Variants in UNC13C observed in about 807,000 individuals in gnomAD.
UNC13C encodes the protein protein unc-13 homolog C.
A neutral mutation model predicts 245.4 loss-of-function variants in UNC13C; 174 were observed. The ratio of observed to expected loss-of-function variants is 0.71; its 90% CI spans 0.63 to 0.80. The LOEUF is 0.80. Among genes scored for constraint, UNC13C ranks in the 30% least tolerant of loss-of-function variants. UNC13C has a pLI of 0.00. For missense variants in UNC13C, 2,829 were observed against 2,602.9 expected (o/e 1.09, Z -1.89); for synonymous variants, 992 against 895.1 (o/e 1.11, Z -1.93).
At chr15:54,561,568 A>G (rs1566910762) in intron 29 of UNC13C, among the ~76,000 whole-genome samples, 1 of 151,992 alleles carries the variant, frequency 6.6e-6, no homozygotes. Context: ...GGCAGTGAGT[A>G]GACTACTCTG....
chr15:54,183,721 G>C (rs1285328763), intron 4 of UNC13C, among the ~76,000 whole-genome samples: 2 of 146,176 alleles, frequency 1.4e-5, no homozygotes, highest in Non-Finnish European at 3.0e-5. Context: ...TGTAATATAT[G>C]TTAGTCTTTG....
the UNC13C span, among the ~76,000 whole-genome samples, chr15:53,952,220 C>T: frequency 5.3e-5 from 8 of 152,208 alleles, no homozygotes; most frequent in African/African-American, 1.9e-4. Context: ...TAAAGGTGTG[C>T]TGATCTGGAG....
the UNC13C span, among the ~76,000 whole-genome samples, chr15:53,839,582 A>G: frequency 6.6e-6 from 1 of 152,064 alleles, no homozygotes; most frequent in Non-Finnish European, 1.5e-5. Flanking sequence ...GTTGACTTCT[A>G]TAAACAGTAT....
At chr15:54,247,792 G>A (rs991967167) in intron 7 of UNC13C, among the ~76,000 whole-genome samples, 6 of 151,008 alleles carry the variant, frequency 4.0e-5, no homozygotes, top group African/African-American at 1.5e-4. Context: ...TTGGAAATTA[G>A]CTTTACTCTC....
At chr15:54,070,006 T>A (rs1302306677) in intron 2 of UNC13C, among the ~76,000 whole-genome samples, 1 of 152,232 alleles carries the variant, frequency 6.6e-6, no homozygotes, top group Non-Finnish European at 1.5e-5. Flanking sequence ...TTTATAATGA[T>A]CCTTAGACAG....
At position 54,186,193 on chromosome 15, in the gene UNC13C, A is replaced by G. The variant is rs1024358782; in HGVS notation, c.3071+42509A>G. ...GGGCTGAGACAATGGGGTTTTCTAG[A>G]TATACAATCATGTCATCTGCAAACA... On this transcript the variant is annotated intron_variant, in intron 4 of 32. Transcript: ENST00000260323. Among the ~76,000 whole-genome samples, 5 of 152,080 alleles carry G rather than the reference A, an allele frequency of 3.3e-5. No individual in the cohort carries two copies. The East Asian group carries it at 5.8e-4, about 18-fold the overall frequency.
chr15:54,553,443 A>G (rs924660258), intron 28 of UNC13C, among the ~76,000 whole-genome samples: 4 of 135,332 alleles, frequency 3.0e-5, no homozygotes, highest in Non-Finnish European at 6.2e-5. Context: ...ATATAATATA[A>G]TTATAATATA....
At chr15:54,594,591 G>A (rs962691190) in intron 30 of UNC13C, among the ~76,000 whole-genome samples, 1 of 152,102 alleles carries the variant, frequency 6.6e-6, no homozygotes, top group African/African-American at 2.4e-5. Context: ...AGTCATGCAG[G>A]TTGTCAGGGA....
chr15:54,367,720 A>T (rs976752236), intron 17 of UNC13C, among the ~76,000 whole-genome samples: 1 of 152,150 alleles, frequency 6.6e-6, no homozygotes, highest in Non-Finnish European at 1.5e-5. Flanking sequence ...ATCTAGTCTC[A>T]GTTAAATCTT....
chr15:54,288,240 C>T (rs187881767), intron 10 of UNC13C, among the ~76,000 whole-genome samples: 1 of 152,062 alleles, frequency 6.6e-6, no homozygotes, highest in South Asian at 2.1e-4. Context: ...TCTTGTATGA[C>T]CTGCTACTTT....
At chr15:54,428,633 C>G (rs1434807263) in intron 19 of UNC13C, among the ~76,000 whole-genome samples, 5 of 151,604 alleles carry the variant, frequency 3.3e-5, no homozygotes, top group Middle Eastern at 3.4e-3. Flanking sequence ...TGTTATAACC[C>G]TAGCATCTAG....
the UNC13C span, chr15:53,912,359 T>C: frequency 6.6e-6 from 1 of 152,364 alleles, no homozygotes; most frequent in African/African-American, 2.4e-5. Context: ...AACTGGAGGC[T>C]ATATGAGGAG....
At chr15:54,565,446 C>T (rs1213564909) in intron 29 of UNC13C, among the ~76,000 whole-genome samples, 1 of 152,026 alleles carries the variant, frequency 6.6e-6, no homozygotes, top group Non-Finnish European at 1.5e-5. Flanking sequence ...ACAAATTAGA[C>T]AGTAAATCCT....
In UNC13C at chr15:54,221,125, G is replaced by T. The variant is rs181187728; in HGVS notation, c.3072-13905G>T. ...TTTCCCTTCATGTATTGACAAAAAT[G>T]GTAGATAAATAACAAAAGTCTATGT... On this transcript the variant is annotated intron_variant, in intron 4 of 32. Coordinates refer to ENST00000260323, the MANE Select transcript of UNC13C (RefSeq NM_001080534.3). 2.1e-3 allele frequency among the ~76,000 whole-genome samples: 321 copies of T among 151,974 alleles called. 3 individuals are homozygous for T. Among genetic ancestry groups the T allele is most frequent in the African/African-American group, 7.6e-3 (314 of 41,478 alleles).
intron 2 of UNC13C, among the ~76,000 whole-genome samples, chr15:54,067,655 G>A (rs1898135434): frequency 6.6e-6 from 1 of 152,194 alleles, no homozygotes; most frequent in African/African-American, 2.4e-5. Context: ...GTACAAAGCT[G>A]TAGGTCCATA....
intron 28 of UNC13C, among the ~76,000 whole-genome samples, chr15:54,550,542 G>A (rs1896689653): frequency 6.6e-6 from 1 of 152,010 alleles, no homozygotes; most frequent in Non-Finnish European, 1.5e-5. Flanking sequence ...CAGCACAGGG[G>A]AAAAACAAAA....
chr15:54,015,464 C>A lies in UNC13C; in HGVS notation c.2561C>A (p.Thr854Lys), dbSNP rs375077921. The change falls in exon 2 of 33, where the codon ACG becomes AAG. Residue 854 changes from threonine (T) to lysine (K), a missense_variant. By Grantham distance (78) the Thr-to-Lys change is moderately conservative. Coordinates refer to ENST00000260323, the MANE Select transcript of UNC13C (RefSeq NM_001080534.3). ...ACCACACTTGACTCTGATGTCTACACGGAGCCCTATTACTATAAAGCAGAG... is the reference window on the plus strand; with the variant it reads ...ACCACACTTGACTCTGATGTCTACAAGGAGCCCTATTACTATAAAGCAGAG... ...SSTTLDSDVY[T>K]EPYYYKAEDE... The A allele has an allele frequency of 1.9e-6, 3 of 1,613,506 alleles. No homozygotes were observed. In the South Asian group the frequency reaches 3.3e-5, roughly 18 times the overall value.
At chr15:54,487,121 C>T (rs139052104) in intron 19 of UNC13C, among the ~76,000 whole-genome samples, 385 of 151,160 alleles carry the variant, frequency 2.5e-3, no homozygotes, top group Non-Finnish European at 3.9e-3. Context: ...CAGAATTCTA[C>T]GTAGATCAAT....
chr15:54,051,045 A>G (rs1360195919), intron 2 of UNC13C, among the ~76,000 whole-genome samples: 2 of 152,180 alleles, frequency 1.3e-5, no homozygotes, highest in Non-Finnish European at 2.9e-5. Context: ...ACTATGATGT[A>G]TGTTGCAAAC....
Sources: allele counts gnomAD v4.1 joint callset (sites outside exome capture counted in the v4.1 genomes callset), GRCh38; gene constraint gnomAD v4.1.1; transcripts MANE v1.5; gene names NCBI Gene and HGNC (gene_info 2026-07-23, HGNC 2026-07-21).